The following TRIOBP variants were observed in gnomAD, a reference collection of about 807,000 sequenced individuals.
The protein encoded by TRIOBP is TRIO and F-actin binding protein.
A neutral mutation model predicts 238.8 loss-of-function variants in TRIOBP; 169 were observed. That is an observed-to-expected ratio of 0.71 (90% CI 0.62 to 0.80). The LOEUF (loss-of-function observed/expected upper bound fraction) is 0.80. Ranked by LOEUF, TRIOBP falls within the 30% of genes least tolerant of loss-of-function variation. The probability of loss-of-function intolerance (pLI) is 0.00; values close to 1 mark genes in which losing one functional copy is unlikely to be tolerated. For synonymous variants in TRIOBP, 1,150 were observed against 1,274.4 expected, an observed-to-expected ratio of 0.90 and a Z score of 2.08; for missense variants, 2,838 against 3,122.6, an observed-to-expected ratio of 0.91 and a Z score of 2.17.
rs541802605 is a variant in TRIOBP at position 37,764,828 on chromosome 22, G to C, written c.6325-842G>C. ...ATGTCAGGCCCTGGCCTAGACCCTG[G>C]GGACTGCGCCAGTCAGATGTTCTCA... On this transcript the variant is annotated intron_variant, in intron 17 of 23. Transcript: ENST00000644935. Among the ~76,000 whole-genome samples, 11 of 152,340 alleles carry C rather than the reference G, an allele frequency of 7.2e-5. No homozygotes were observed. The South Asian group carries it at 2.3e-3, about 32-fold the overall frequency.
At chr22:37,733,455 G>A (rs765372552) in intron 8 of TRIOBP, 43 bp downstream of exon 8, 11 of 1,435,400 alleles carry the variant, frequency 7.7e-6, no homozygotes, top group Middle Eastern at 1.9e-4. Flanking sequence ...CCCAAGGGGC[G>A]GCCACTGCCT....
intron 10 of TRIOBP, among the ~76,000 whole-genome samples, chr22:37,739,252 CCAAA>C (rs1421168449): frequency 3.3e-5 from 5 of 152,170 alleles, no homozygotes; most frequent in East Asian, 1.9e-4. Context: ...CCGTGACCTA[CCAAA>C]CAGACTGTTC....
chr22:37,715,718 C>T (rs753469387), intron 5 of TRIOBP, 45 bp from the exon 6 acceptor site: 3 of 1,601,564 alleles, frequency 1.9e-6, no homozygotes, highest in Non-Finnish European at 1.7e-6. Context: ...GTCCTGCAGC[C>T]TTTTTTCTCC....
intron 18 of TRIOBP, 86 bp from the exon 19 acceptor site, chr22:37,767,988 A>G (rs1312262743): frequency 3.0e-6 from 3 of 989,172 alleles, no homozygotes; most frequent in Non-Finnish European, 4.7e-6. Context: ...GTACTCCACC[A>G]GTACATGTGG....
Position 37,766,590 on chromosome 22 carries a change from A to G in TRIOBP, c.6472+773A>G, listed in dbSNP as rs553642062. ...CACTAAGGTTTCTGCTGTGAAATGG[A>G]TAAAAATCACACTTAAGTGGAATAA... On this transcript the variant is annotated intron_variant, in intron 18 of 23. Transcript: ENST00000644935. Among the ~76,000 whole-genome samples, 4 of 152,334 alleles carry G rather than the reference A, an allele frequency of 2.6e-5. No individual in the cohort carries two copies. The South Asian group carries it at 8.3e-4, about 32-fold the overall frequency.
rs1925859145 is a variant in TRIOBP, at chr22:37,755,304, T to G, written c.5577+114T>G. 3.5e-6 allele frequency: 4 copies of G among 1,142,968 alleles called. No individual in the cohort carries two copies. In the African/African-American group the frequency reaches 6.1e-5, roughly 18 times the overall value. 70.8% of individuals were successfully genotyped at this position (1,142,968 alleles called of 1,614,324 possible). On this transcript the variant is annotated intron_variant, in intron 14 of 23. Coordinates refer to ENST00000644935, the MANE Select transcript of TRIOBP (RefSeq NM_001039141.3). ...TGGAGACTGGATCCCTTCACTCATT[T>G]ACCCAGAGGCCCTATCTTCAGAGCC...
chr22:37,701,546 G>C (rs1922645787), intron 3 of TRIOBP, 67 bp downstream of exon 3: 2 of 1,186,694 alleles, frequency 1.7e-6, no homozygotes, highest in Non-Finnish European at 2.5e-6. Flanking sequence ...CTGGGCCTGT[G>C]GTGTCCGCTA....
chr22:37,744,869 ATAAT>A (rs955219874), intron 11 of TRIOBP, among the ~76,000 whole-genome samples: 3 of 144,628 alleles, frequency 2.1e-5, no homozygotes, highest in Non-Finnish European at 4.4e-5. Context: ...TATAAAAGCA[ATAAT>A]TTTTTTTTTT....
chr22:37,712,363 G>A (rs548238571), intron 4 of TRIOBP, among the ~76,000 whole-genome samples: 1 of 151,658 alleles, frequency 6.6e-6, no homozygotes, highest in African/African-American at 2.4e-5. Context: ...ATAGAGTCTC[G>A]TGCTGTCACC....
intron 9 of TRIOBP, among the ~76,000 whole-genome samples, chr22:37,736,544 G>A (rs1219662237): frequency 6.6e-6 from 1 of 152,152 alleles, no homozygotes; most frequent in Admixed American, 6.5e-5. Flanking sequence ...AGACTCCTTA[G>A]GCATTTGCTG....
chr22:37,758,819 C>T (rs1043300311), intron 16 of TRIOBP, among the ~76,000 whole-genome samples: 14 of 152,178 alleles, frequency 9.2e-5, no homozygotes, highest in African/African-American at 3.1e-4. Flanking sequence ...GTTTTACTGA[C>T]GGGAAAACTG....
chr22:37,711,596 C>A (rs75128402), intron 4 of TRIOBP, among the ~76,000 whole-genome samples: 1,279 of 9,846 alleles, frequency 0.13, 30 homozygotes, highest in East Asian at 0.35. Flanking sequence ...AAAAAAACAA[C>A]AAAAAAAAAA....
intron 7 of TRIOBP, among the ~76,000 whole-genome samples, chr22:37,732,060 A>G (rs1045736465): frequency 3.3e-5 from 5 of 152,192 alleles, no homozygotes; most frequent in Admixed American, 1.3e-4. Flanking sequence ...TTCCTGGTTC[A>G]GTTCATCGAC....
chr22:37,753,030 A>C (rs1387635560), intron 12 of TRIOBP, among the ~76,000 whole-genome samples: 1 of 152,200 alleles, frequency 6.6e-6, no homozygotes, highest in African/African-American at 2.4e-5. Flanking sequence ...GGAAGAGCTA[A>C]AGAAACCTCT....
chr22:37,751,110 TG>T, intron 11 of TRIOBP: 1 of 434,130 alleles, frequency 2.3e-6, no homozygotes, highest in South Asian at 1.7e-5. Flanking sequence ...TAGGCCTGGG[TG>T]GGGGTGCCTG....
At chr22:37,740,771 G>T in intron 10 of TRIOBP, 124 bp from the exon 11 acceptor site, 1 of 1,417,518 alleles carries the variant, frequency 7.1e-7, no homozygotes, top group Non-Finnish European at 9.7e-7. Context: ...TGGGAGGAGA[G>T]AAAGATGGGA....
At chr22:37,728,980 A>G (rs1601635474) in intron 7 of TRIOBP, among the ~76,000 whole-genome samples, 1 of 152,020 alleles carries the variant, frequency 6.6e-6, no homozygotes, top group African/African-American at 2.4e-5. Context: ...CAGTAGTGCA[A>G]TCTTGGCTCA....
chr22:37,740,571 C>T (rs983666987), intron 10 of TRIOBP, among the ~76,000 whole-genome samples: 1 of 152,094 alleles, frequency 6.6e-6, no homozygotes, highest in Non-Finnish European at 1.5e-5. Flanking sequence ...AATCTCTAAC[C>T]TAATGTGAAA....
At position 37,713,193 on chromosome 22, in the gene TRIOBP, T is replaced by C. The variant is rs1043180404; in HGVS notation, c.255-17T>C. ...TCCTAACTCCCCATTACTTTTTGGG[T>C]CTGTCTCCTCTCCCAGGGGCCCATC... On this transcript the variant is annotated splice_polypyrimidine_tract_variant and intron_variant, in intron 4 of 23. Coordinates refer to ENST00000644935, the MANE Select transcript of TRIOBP (RefSeq NM_001039141.3). The C allele has an allele frequency of 2.5e-6, 4 of 1,608,484 alleles. No homozygotes were observed. The Admixed American group carries it at 6.8e-5, about 27-fold the overall frequency.
Sources: allele counts gnomAD v4.1 joint callset (sites outside exome capture counted in the v4.1 genomes callset), GRCh38; gene constraint gnomAD v4.1.1; transcripts MANE v1.5; gene names NCBI Gene and HGNC (gene_info 2026-07-23, HGNC 2026-07-21).